Variants in NEU3 observed in about 807,000 individuals in gnomAD.
The protein encoded by NEU3 is sialidase-3.
NEU3 carries 10 observed loss-of-function variants against 11.4 expected under a neutral mutation model. The ratio of observed to expected loss-of-function variants is 0.88; its 90% CI spans 0.54 to 1.49. NEU3 has a LOEUF of 1.49. Ranked by LOEUF, NEU3 falls within the 40% of genes most tolerant of loss-of-function variation. NEU3 has a pLI of 0.00. For synonymous variants in NEU3, 212 were observed against 228.2 expected (o/e 0.93, Z 0.64); for missense variants, 529 against 581.8 (o/e 0.91, Z 0.93).
At chr11:75,011,578 GAA>G (rs1386176114), downstream of NEU3, among the ~76,000 whole-genome samples, 1 of 152,178 alleles carries the variant, frequency 6.6e-6, no homozygotes, top group African/African-American at 2.4e-5. Flanking sequence ...AAAACTGAAA[GAA>G]GGGAGCCAGG....
In NEU3 at chr11:75,006,474, C is replaced by T. The variant is rs764073275; in HGVS notation, c.1368C>T (p.Ser456=). 6 of 1,610,256 alleles carry T rather than the reference C, an allele frequency of 3.7e-6. No homozygotes were observed. In the African/African-American group the frequency reaches 8.0e-5, roughly 22 times the overall value. Residue 456 remains serine (S), a synonymous_variant, in exon 3 of 3, where the codon AGC becomes AGT. Coordinates refer to ENST00000294064, the MANE Select transcript of NEU3 (RefSeq NM_006656.6). ...GDCTSPGRNP[S]QFKSN ...GCACCAGCCCTGGTAGGAACCCAAG[C>T]CAATTCAAAAGCAATTAATTGGCTT...
At chr11:74,983,381 C>G (rs1361015218), upstream of NEU3, among the ~76,000 whole-genome samples, 1 of 152,134 alleles carries the variant, frequency 6.6e-6, no homozygotes, top group Non-Finnish European at 1.5e-5. Context: ...GAAATAAAAG[C>G]ACAGGTTTAG....
At chr11:75,004,915 T>C (rs187012080) in intron 2 of NEU3, among the ~76,000 whole-genome samples, 33 of 152,246 alleles carry the variant, frequency 2.2e-4, no homozygotes, top group Non-Finnish European at 2.6e-4. Flanking sequence ...TTTCTTTCCT[T>C]TCCTTTCTTT....
intron 1 of NEU3, among the ~76,000 whole-genome samples, chr11:74,990,347 T>C (rs916735670): frequency 6.6e-6 from 1 of 152,000 alleles, no homozygotes; most frequent in Non-Finnish European, 1.5e-5. Flanking sequence ...ATTATTTCCC[T>C]ATTTCCTCTC....
Position 75,005,578 on chromosome 11 carries a change from C to T in NEU3, c.472C>T (p.Arg158Cys), listed in dbSNP as rs758788013. Residue 158 changes from arginine (R) to cysteine (C), a missense_variant, in exon 3 of 3, where the codon CGC (arginine) becomes TGC (cysteine). Transcript: ENST00000294064. Reference sequence around the variant, plus strand: ...GATTGTGTCAGGCAGGAATGCTGCCCGCCTTTGCTTCATCTACAGTCAGGA... The same window carrying T: ...GATTGTGTCAGGCAGGAATGCTGCCTGCCTTTGCTTCATCTACAGTCAGGA... ...QQIVSGRNAA[R>C]LCFIYSQDAG... The T allele has an allele frequency of 2.5e-5, 40 of 1,613,808 alleles. No homozygotes were observed. Among genetic ancestry groups the T allele is most frequent in the Middle Eastern group, 1.6e-4 (1 of 6,084 alleles).
intron 1 of NEU3, 123 bp downstream of exon 1, chr11:74,989,277 G>A (rs1948705558): frequency 3.9e-6 from 3 of 767,076 alleles, no homozygotes; most frequent in Admixed American, 2.5e-5. Flanking sequence ...CCACCTAGTC[G>A]GCTAGGATCT....
chr11:74,991,974 G>A (rs1361109267), intron 1 of NEU3, among the ~76,000 whole-genome samples: 1 of 152,196 alleles, frequency 6.6e-6, no homozygotes, highest in Admixed American at 6.5e-5. Context: ...TTAAACAAAT[G>A]TAACATAGGA....
chr11:74,994,469 TG>T (rs1345099550), intron 1 of NEU3, 39 bp from the exon 2 acceptor site: 3 of 1,487,542 alleles, frequency 2.0e-6, no homozygotes, highest in Non-Finnish European at 2.7e-6. Context: ...GGCCAGCATC[TG>T]GGTATGGACA....
chr11:75,003,815 G>A lies in NEU3; in HGVS notation c.307-1598G>A, dbSNP rs181003315. 2.1e-3 allele frequency among the ~76,000 whole-genome samples: 316 copies of A among 152,114 alleles called. 2 individuals carry two copies. Among genetic ancestry groups the A allele is most frequent in the Non-Finnish European group, 3.6e-3 (243 of 67,984 alleles). The stretch of plus-strand genomic sequence containing the variant: ...TGAGGCGTGAGAACCACTTGAACTC[G>A]GGAGGCAGAGATTGCAGTGAGCTGA... On this transcript the variant is annotated intron_variant, in intron 2 of 2. Coordinates refer to ENST00000294064, the MANE Select transcript of NEU3 (RefSeq NM_006656.6).
At chr11:74,981,909 T>C in the NEU3 span, among the ~76,000 whole-genome samples, 2 of 152,212 alleles carry the variant, frequency 1.3e-5, no homozygotes, top group Admixed American at 6.5e-5. Flanking sequence ...GAAAGAGTCC[T>C]ACCTGAGAAT....
chr11:74,981,263 C>T, the NEU3 span, among the ~76,000 whole-genome samples: 1 of 152,052 alleles, frequency 6.6e-6, no homozygotes, highest in Non-Finnish European at 1.5e-5. Flanking sequence ...GCTCTTAGTG[C>T]CACAGAGTTG....
chr11:74,994,653 C>G lies in NEU3; in HGVS notation c.239C>G (p.Thr80Arg). 1.9e-6 allele frequency: 3 copies of G among 1,613,996 alleles called. No individual in the cohort carries two copies. In the African/African-American group the frequency reaches 4.0e-5, roughly 22 times the overall value. Reference protein sequence around the residue: ...TFLAFAEKRSTRRDEDALHLV... With the variant: ...TFLAFAEKRSRRRDEDALHLV... ...CTGGCCTTTGCAGAGAAGCGTTCTACGAGGAGAGATGAGGATGCTCTCCAC... is the reference window on the plus strand; with the variant it reads ...CTGGCCTTTGCAGAGAAGCGTTCTAGGAGGAGAGATGAGGATGCTCTCCAC... Residue 80 changes from threonine to arginine, a missense_variant, in exon 2 of 3, where the codon ACG becomes AGG. Physicochemically the swap from Thr to Arg is moderately conservative, Grantham distance 71 (BLOSUM62 -1). Coordinates refer to ENST00000294064, the MANE Select transcript of NEU3 (RefSeq NM_006656.6).
chr11:75,012,794 C>T (rs545584295), downstream of NEU3, among the ~76,000 whole-genome samples: 1 of 152,294 alleles, frequency 6.6e-6, no homozygotes, highest in African/African-American at 2.4e-5. Flanking sequence ...TAGCAACGAG[C>T]ACTGTGATAG....
At chr11:74,982,536 A>C in the NEU3 span, among the ~76,000 whole-genome samples, 1 of 151,952 alleles carries the variant, frequency 6.6e-6, no homozygotes, top group Non-Finnish European at 1.5e-5. Flanking sequence ...CTACTCTAGA[A>C]CTTCTGATCC....
rs376028011 is a variant in NEU3 at position 75,004,277 on chromosome 11, A to G, written c.307-1136A>G. 205 of 681,080 alleles carry G rather than the reference A, an allele frequency of 3.0e-4. No individual in the cohort carries two copies. In the African/African-American group the frequency reaches 3.3e-3, roughly 11 times the overall value. The allele number at this position is 681,080 out of a possible 1,614,324, so 42.2% of individuals were successfully genotyped here. On this transcript the variant is annotated intron_variant, in intron 2 of 2. Coordinates refer to ENST00000294064, the MANE Select transcript of NEU3 (RefSeq NM_006656.6). Reference sequence around the variant, plus strand: ...TAGATGTAAAGTGTTATGTCAATTTAGTTATTTTGTTTTATTTTTATTTTT... The same window carrying G: ...TAGATGTAAAGTGTTATGTCAATTTGGTTATTTTGTTTTATTTTTATTTTT...
the NEU3 span, among the ~76,000 whole-genome samples, chr11:74,982,982 G>C: frequency 6.6e-6 from 1 of 152,030 alleles, no homozygotes; most frequent in Non-Finnish European, 1.5e-5. Context: ...AAACTGCTTG[G>C]TTTGGGTGCC....
chr11:75,013,363 T>A (rs1948968095), downstream of NEU3, among the ~76,000 whole-genome samples: 1 of 152,204 alleles, frequency 6.6e-6, no homozygotes, highest in Non-Finnish European at 1.5e-5. Flanking sequence ...TTGATCTCCA[T>A]TATCCTTCAG....
At chr11:74,986,697 G>A (rs1422910059), upstream of NEU3, among the ~76,000 whole-genome samples, 18 of 151,992 alleles carry the variant, frequency 1.2e-4, no homozygotes, top group Admixed American at 9.8e-4. Flanking sequence ...GGGTTTGTCC[G>A]GTTTATTAGA....
rs7935409 is a variant in NEU3, at chr11:75,006,169, G to A, written c.1063G>A (p.Gly355Arg). 2 of 1,614,016 alleles carry A rather than the reference G, an allele frequency of 1.2e-6. No individual in the cohort carries two copies. The highest frequency in any genetic ancestry group is 1.7e-6 in the Non-Finnish European group (2 of 1,179,894). Reference sequence around the variant, plus strand: ...TTCACTGAGGCTGGAGGAGGAAGCTGGAACACCGTCAGAATCATGGCTCTT... The same window carrying A: ...TTCACTGAGGCTGGAGGAGGAAGCTAGAACACCGTCAGAATCATGGCTCTT... ...GSSLRLEEEA[G>R]TPSESWLLYS... Residue 355 changes from glycine to arginine, a missense_variant, in exon 3 of 3, where the codon GGA becomes AGA. Coordinates refer to ENST00000294064, the MANE Select transcript of NEU3 (RefSeq NM_006656.6).
Sources: allele counts gnomAD v4.1 joint callset (sites outside exome capture counted in the v4.1 genomes callset), GRCh38; gene constraint gnomAD v4.1.1; transcripts MANE v1.5; gene names NCBI Gene and HGNC (gene_info 2026-07-23, HGNC 2026-07-21).